Variants in CFAP77 observed in about 807,000 individuals in gnomAD.
CFAP77 encodes cilia and flagella associated protein 77.
Under a neutral mutation model 31.1 loss-of-function variants are expected in CFAP77, and 25 were observed. The ratio of observed to expected loss-of-function variants is 0.80; its 90% CI spans 0.59 to 1.12. CFAP77 has a LOEUF of 1.12. CFAP77 is among the 50% of genes most tolerant of loss of function. The probability of loss-of-function intolerance (pLI) is 0.00; values close to 1 mark genes in which losing one functional copy is unlikely to be tolerated. For synonymous variants in CFAP77, 151 were observed against 159.9 expected (o/e 0.94, Z 0.42); for missense variants, 377 against 397.3 (o/e 0.95, Z 0.44).
At chr9:132,430,095 C>T (rs1850386419) in intron 1 of CFAP77, among the ~76,000 whole-genome samples, 2 of 152,054 alleles carry the variant, frequency 1.3e-5, no homozygotes, top group South Asian at 2.1e-4. Flanking sequence ...GCCTTCATCT[C>T]CTACACTTAT....
At position 132,554,942 on chromosome 9, in the gene CFAP77, AT is replaced by A. The variant is rs1313309669; in HGVS notation, c.732+11896del. 3.1e-4 allele frequency among the ~76,000 whole-genome samples: 18 copies of A among 58,734 alleles called. No individual in the cohort carries two copies. Among genetic ancestry groups the A allele is most frequent in the African/African-American group, 4.9e-4 (5 of 10,290 alleles). The allele number at this position is 58,734 out of a possible 152,430, so 38.5% of individuals were successfully genotyped here. A position where few individuals can be genotyped will look rare whatever the true frequency, so the allele number is the denominator to read the frequency against. Reference sequence around the variant, plus strand: ...CATGCATGCATCCATCCATCCACCCATCCATCCATCCATCCATCCATCCATC... The same window carrying A: ...CATGCATGCATCCATCCATCCACCCACCATCCATCCATCCATCCATCCATC... On this transcript the variant is annotated intron_variant, in intron 5 of 5. Transcript: ENST00000393216. The surrounding 1 kb of genome is among the most constrained non-coding windows in gnomAD (Gnocchi z 4.1).
intron 3 of CFAP77, among the ~76,000 whole-genome samples, chr9:132,529,835 A>AG (rs2119035778): frequency 6.8e-6 from 1 of 146,300 alleles, no homozygotes; most frequent in East Asian, 2.0e-4. Context: ...AAAAAAAAAA[A>AG]AAGAAAAGAA....
At chr9:132,462,179 A>C (rs1851062671) in intron 1 of CFAP77, among the ~76,000 whole-genome samples, 1 of 152,144 alleles carries the variant, frequency 6.6e-6, no homozygotes, top group Non-Finnish European at 1.5e-5. Context: ...TTGGAGTCGC[A>C]GAAAGGGAAT....
chr9:132,481,431 A>T lies in CFAP77; in HGVS notation c.196-17264A>T, dbSNP rs1851445138. 6.6e-6 allele frequency among the ~76,000 whole-genome samples: 1 copy of T among 151,830 alleles called. No individual in the cohort carries two copies. The highest frequency in any genetic ancestry group is 2.1e-4 in the South Asian group (1 of 4,806). On this transcript the variant is annotated intron_variant, in intron 1 of 5. Transcript: ENST00000393216. The surrounding 1 kb of genome is among the most constrained non-coding windows in gnomAD (Gnocchi z 5.0). ...CTTTGACTAGCCGCCTAATCCTCGA[A>T]CTCACTCCTTACACTCCTCCCTCCC...
chr9:132,411,286 G>C (rs1849993708), intron 1 of CFAP77, among the ~76,000 whole-genome samples: 1 of 152,256 alleles, frequency 6.6e-6, no homozygotes, highest in Non-Finnish European at 1.5e-5. Flanking sequence ...CCGCGTCCCA[G>C]GTGCGGGAGT....
At position 132,571,325 on chromosome 9, in the gene CFAP77, AC is replaced by A. The variant is rs575664391; in HGVS notation, c.733-1057del. On this transcript the variant is annotated intron_variant, in intron 5 of 5. Coordinates refer to ENST00000393216, the MANE Select transcript of CFAP77 (RefSeq NM_001282957.2). ...GGACCCCAGGGCCAGCAGCCACGCT[AC>A]CCCCCTTTGCCCTGGAATCCCAACC... Among the ~76,000 whole-genome samples, 123 of 151,660 alleles carry A rather than the reference AC, an allele frequency of 8.1e-4. 1 individual carries two copies. The South Asian group carries it at 0.02, about 25-fold the overall frequency.
intron 1 of CFAP77, among the ~76,000 whole-genome samples, chr9:132,447,719 C>T (rs1273823045): frequency 6.6e-6 from 1 of 152,172 alleles, no homozygotes; most frequent in Admixed American, 6.5e-5. Flanking sequence ...ACACCTAGCG[C>T]AATGTATATG....
chr9:132,517,279 G>A lies in CFAP77; in HGVS notation c.524+17679G>A, dbSNP rs1035635418. Among the ~76,000 whole-genome samples the A allele has an allele frequency of 2.6e-5, 4 of 152,182 alleles. No individual in the cohort carries two copies. Among genetic ancestry groups the A allele is most frequent in the South Asian group, 2.1e-4 (1 of 4,822 alleles). On this transcript the variant is annotated intron_variant, in intron 3 of 5. Transcript: ENST00000393216. The surrounding 1 kb of genome is among the most constrained non-coding windows in gnomAD (Gnocchi z 4.7). ...GGGTGCCAGCAACTCCCCGGCCCCC[G>A]GGAGCAGCAGACTGCTGGCATATTA... is the stretch of plus-strand genomic sequence containing the variant.
intron 1 of CFAP77, among the ~76,000 whole-genome samples, chr9:132,413,330 G>A (rs117665687): frequency 6.6e-6 from 1 of 152,310 alleles, no homozygotes; most frequent in East Asian, 1.9e-4. Context: ...TTTATCTACA[G>A]ATGCTCAACA....
chr9:132,486,016 A>ATGTATG (rs1452765012), intron 1 of CFAP77, among the ~76,000 whole-genome samples: 1 of 16,356 alleles, frequency 6.1e-5, no homozygotes, highest in Non-Finnish European at 9.6e-5. Context: ...ATATATATAT[A>ATGTATG]TATATATATA....
intron 3 of CFAP77, among the ~76,000 whole-genome samples, chr9:132,534,070 G>C (rs991487712): frequency 5.3e-5 from 8 of 151,972 alleles, no homozygotes; most frequent in African/African-American, 1.9e-4. Flanking sequence ...TGATAACTGG[G>C]GTCAATTTTA....
Position 132,543,010 on chromosome 9 carries a change from A to C in CFAP77, c.695A>C (p.Lys232Thr). The C allele has an allele frequency of 6.2e-7, 1 of 1,614,182 alleles. No individual in the cohort carries two copies. Among genetic ancestry groups the C allele is most frequent in the Non-Finnish European group, 8.5e-7 (1 of 1,180,022 alleles). ...CTGAGGAAGTACAAGCCGCCCGTGAAGCTGGACACCCTCTGGCACATGCCT... is the reference window on the plus strand; with the variant it reads ...CTGAGGAAGTACAAGCCGCCCGTGACGCTGGACACCCTCTGGCACATGCCT... ...SQLRKYKPPV[K>T]LDTLWHMPHF... Residue 232 changes from lysine to threonine, a missense_variant, in exon 5 of 6, where the codon AAG becomes ACG. Lys to Thr is a moderately conservative substitution (Grantham distance 78). Transcript: ENST00000393216.
chr9:132,464,733 G>T (rs912175493), intron 1 of CFAP77, among the ~76,000 whole-genome samples: 1 of 152,082 alleles, frequency 6.6e-6, no homozygotes, highest in African/African-American at 2.4e-5. Flanking sequence ...GTGGCCACAC[G>T]TGGGCTGTGG....
intron 1 of CFAP77, among the ~76,000 whole-genome samples, chr9:132,458,762 C>T (rs1469765502): frequency 6.6e-6 from 1 of 152,196 alleles, no homozygotes; most frequent in Non-Finnish European, 1.5e-5. Context: ...GCCAGGCAAG[C>T]TGGAAAATTC....
intron 1 of CFAP77, among the ~76,000 whole-genome samples, chr9:132,461,487 G>A (rs2131726051): frequency 6.6e-6 from 1 of 152,288 alleles, no homozygotes; most frequent in Middle Eastern, 3.4e-3. Flanking sequence ...CTGCTCCCTG[G>A]TCCCCAGCAG....
At chr9:132,516,914 G>A (rs1291429241) in intron 3 of CFAP77, among the ~76,000 whole-genome samples, 1 of 152,342 alleles carries the variant, frequency 6.6e-6, no homozygotes, top group Non-Finnish European at 1.5e-5. Flanking sequence ...AAAGTGCTCA[G>A]TAAACAGCCA....
intron 1 of CFAP77, among the ~76,000 whole-genome samples, chr9:132,496,965 A>G (rs1241592117): frequency 2.0e-5 from 3 of 152,234 alleles, no homozygotes; most frequent in African/African-American, 7.2e-5. Flanking sequence ...GCTAAGAGTC[A>G]CTGGCATTCA....
chr9:132,472,716 A>C (rs1190666984), intron 1 of CFAP77, among the ~76,000 whole-genome samples: 13 of 152,194 alleles, frequency 8.5e-5, no homozygotes. Flanking sequence ...GCAGTGATCC[A>C]TGACTGCACC....
chr9:132,499,294 CATTT>C lies in CFAP77; in HGVS notation c.296-77_296-74del. On this transcript the variant is annotated intron_variant, in intron 2 of 5. Coordinates refer to ENST00000393216, the MANE Select transcript of CFAP77 (RefSeq NM_001282957.2). The surrounding 1 kb of genome is among the most constrained non-coding windows in gnomAD (Gnocchi z 5.4). Reference sequence around the variant, plus strand: ...GGAAGGCCGAGGACCCGCGTGCCCCCATTTCTTCTCGATCAGCTGCCTCAGGGTG... The same window carrying C: ...GGAAGGCCGAGGACCCGCGTGCCCCCCTTCTCGATCAGCTGCCTCAGGGTG... 1 of 1,320,522 alleles carries C rather than the reference CATTT, an allele frequency of 7.6e-7. No homozygotes were observed. The highest frequency in any genetic ancestry group is 1.1e-6 in the Non-Finnish European group (1 of 934,896). 81.8% of individuals were successfully genotyped at this position (1,320,522 alleles called of 1,614,324 possible). A position where few individuals can be genotyped will look rare whatever the true frequency, so the allele number is the denominator to read the frequency against.
Sources: gnomAD v4.1 joint callset for allele counts (sites outside exome capture counted in the v4.1 genomes callset) on GRCh38, gnomAD v4.1.1 for gene constraint, Gnocchi (gnomAD v3.1) non-coding constraint, MANE v1.5 for transcripts, NCBI Gene and HGNC (gene_info 2026-07-23, HGNC 2026-07-21) for gene names.